MRPS27: variants seen among roughly 807,000 people sequenced by gnomAD.
MRPS27 encodes the protein small ribosomal subunit protein mS27.
A neutral mutation model predicts 48.9 loss-of-function variants in MRPS27; 43 were observed. The ratio of observed to expected loss-of-function variants is 0.88; its 90% CI spans 0.69 to 1.13. MRPS27 has a LOEUF of 1.13. MRPS27 is among the 50% of genes most tolerant of loss of function. The pLI is 0.00. For synonymous variants in MRPS27, 188 were observed against 171.9 expected, an observed-to-expected ratio of 1.09 and a Z score of -0.73; for missense variants, 467 against 476.3, an observed-to-expected ratio of 0.98 and a Z score of 0.18.
At chr5:72,271,041 G>A (rs1749228150) in intron 4 of MRPS27, among the ~76,000 whole-genome samples, 1 of 152,176 alleles carries the variant, frequency 6.6e-6, no homozygotes, top group Non-Finnish European at 1.5e-5. Flanking sequence ...CGTTAATGGT[G>A]AAATATTAAA....
intron 1 of MRPS27, among the ~76,000 whole-genome samples, chr5:72,318,652 G>C (rs951012867): frequency 2.0e-5 from 3 of 152,176 alleles, no homozygotes; most frequent in African/African-American, 7.2e-5. Context: ...AAATTAGCCG[G>C]GAGTGGTGGC....
In MRPS27 at chr5:72,223,855, G is replaced by A. The variant is rs753431770; in HGVS notation, c.838-5C>T. ...CACTGCACCCAGCACATCGAGCTGT[G>A]GAGCAGAAAGAGGGTCAGCAACCAA... On this transcript the variant is annotated splice_polypyrimidine_tract_variant and splice_region_variant and intron_variant, in intron 9 of 10. Transcript: ENST00000261413. 6.2e-7 allele frequency: 1 copy of A among 1,612,436 alleles called. No homozygotes were observed.
chr5:72,264,732 G>C (rs909400432), intron 4 of MRPS27, among the ~76,000 whole-genome samples: 1 of 152,188 alleles, frequency 6.6e-6, no homozygotes, highest in African/African-American at 2.4e-5. Flanking sequence ...CAGAAACTAA[G>C]AGGAAGACAT....
intron 2 of MRPS27, among the ~76,000 whole-genome samples, 191 bp downstream of exon 2, chr5:72,313,890 A>C (rs1750501791): frequency 6.6e-6 from 1 of 152,258 alleles, no homozygotes; most frequent in South Asian, 2.1e-4. Context: ...GCAAAAATGA[A>C]ATATTAGAAA....
intron 8 of MRPS27, chr5:72,227,396 T>C (rs941726792): frequency 6.6e-6 from 1 of 152,216 alleles, no homozygotes; most frequent in Admixed American, 6.5e-5. Context: ...CAATAAACTC[T>C]GAAGTTCCTG....
intron 4 of MRPS27, among the ~76,000 whole-genome samples, chr5:72,273,697 C>T (rs2112021503): frequency 6.6e-6 from 1 of 152,310 alleles, no homozygotes; most frequent in South Asian, 2.1e-4. Flanking sequence ...ATATAGGGCA[C>T]TTACCATGAA....
At chr5:72,256,922 T>G (rs1432665916) in intron 4 of MRPS27, among the ~76,000 whole-genome samples, 2 of 152,330 alleles carry the variant, frequency 1.3e-5, no homozygotes, top group Admixed American at 1.3e-4. Context: ...GGTACGATCC[T>G]GTACAGAACT....
At chr5:72,315,708 C>T (rs1324832875) in intron 1 of MRPS27, among the ~76,000 whole-genome samples, 1 of 152,098 alleles carries the variant, frequency 6.6e-6, no homozygotes. Context: ...ACAATGACCA[C>T]CATCAAAAAA....
intron 4 of MRPS27, among the ~76,000 whole-genome samples, chr5:72,293,922 G>C (rs901957478): frequency 6.6e-6 from 1 of 152,140 alleles, no homozygotes; most frequent in Non-Finnish European, 1.5e-5. Flanking sequence ...TACCAAAGCA[G>C]CCCTACAGTC....
At chr5:72,263,409 GA>G (rs1252470178) in intron 4 of MRPS27, among the ~76,000 whole-genome samples, 25 of 150,828 alleles carry the variant, frequency 1.7e-4, no homozygotes, top group South Asian at 1.0e-3. Context: ...AACAACAAAA[GA>G]AAAAATAGAG....
At chr5:72,280,144 C>T (rs989491884) in intron 4 of MRPS27, among the ~76,000 whole-genome samples, 1 of 152,132 alleles carries the variant, frequency 6.6e-6, no homozygotes, top group East Asian at 1.9e-4. Flanking sequence ...GTCTTGTTGT[C>T]TATCTTGTGG....
rs952032387 is a variant in MRPS27 at position 72,225,925 on chromosome 5, C to T, written c.837+132G>A. The T allele has an allele frequency of 9.5e-5, 98 of 1,031,968 alleles. No homozygotes were observed. In the African/African-American group the frequency reaches 1.1e-3, roughly 11 times the overall value. The allele number at this position is 1,031,968 out of a possible 1,614,324, so 63.9% of individuals were successfully genotyped here. The stretch of plus-strand genomic sequence containing the variant: ...AAATGTTTGTGGTTTTGCATTTTTT[C>T]GACTTGATAAATACCTATTCTATAG... On this transcript the variant is annotated intron_variant, in intron 9 of 10. Transcript: ENST00000261413.
chr5:72,232,617 C>A (rs1748093386), intron 6 of MRPS27, 59 bp from the exon 7 acceptor site: 2 of 1,169,102 alleles, frequency 1.7e-6, no homozygotes, highest in Non-Finnish European at 2.5e-6. Context: ...ATTACTAAAT[C>A]TCTATTTAAC....
chr5:72,274,371 A>C (rs1419307587), intron 4 of MRPS27, among the ~76,000 whole-genome samples: 1 of 152,112 alleles, frequency 6.6e-6, no homozygotes, highest in Non-Finnish European at 1.5e-5. Context: ...AAAAACAATA[A>C]CTAAAAACTT....
intron 6 of MRPS27, among the ~76,000 whole-genome samples, chr5:72,233,491 A>G (rs534661447): frequency 3.9e-5 from 6 of 152,200 alleles, no homozygotes; most frequent in Non-Finnish European, 7.4e-5. Flanking sequence ...TTTTTAACCA[A>G]TTTTTACATA....
At chr5:72,271,031 C>T (rs999369888) in intron 4 of MRPS27, among the ~76,000 whole-genome samples, 1 of 152,150 alleles carries the variant, frequency 6.6e-6, no homozygotes, top group Non-Finnish European at 1.5e-5. Context: ...CAGCTAACAT[C>T]GTTAATGGTG....
rs1448881191 is a variant in MRPS27 at position 72,226,080 on chromosome 5, CT to C, written c.813del (p.Asp272ThrfsTer2). 1 of 1,613,656 alleles carries C rather than the reference CT, an allele frequency of 6.2e-7. No homozygotes were observed. The highest frequency in any genetic ancestry group is 8.5e-7 in the Non-Finnish European group (1 of 1,179,836). On this transcript the variant is annotated frameshift_variant, in exon 9 of 11. Coordinates refer to ENST00000261413, the MANE Select transcript of MRPS27 (RefSeq NM_015084.3). LOFTEE classifies it high-confidence loss of function. ...QVMEKVAASP[E>X]DIKLCREALD... ...ACCGCTTCTCTACACAGCTTTATGT[CT>C]TCTGGGGAGGCAGCCACTTTCTCCA... is the stretch of plus-strand genomic sequence containing the variant.
At chr5:72,240,013 G>T (rs1301867287) in intron 4 of MRPS27, among the ~76,000 whole-genome samples, 6 of 152,182 alleles carry the variant, frequency 3.9e-5, no homozygotes, top group African/African-American at 1.4e-4. Flanking sequence ...AGTATCAGGT[G>T]TACTGCTTCA....
intron 7 of MRPS27, chr5:72,228,753 C>T (rs1747967193): frequency 6.2e-6 from 1 of 161,816 alleles, no homozygotes; most frequent in African/African-American, 2.4e-5. Flanking sequence ...ATTCAACATG[C>T]TGTCAGCCCC....
Sources: allele counts gnomAD v4.1 joint callset (sites outside exome capture counted in the v4.1 genomes callset), GRCh38; gene constraint gnomAD v4.1.1; transcripts MANE v1.5; gene names NCBI Gene and HGNC (gene_info 2026-07-23, HGNC 2026-07-21).